Variants in GALNT13 observed in about 807,000 individuals in gnomAD.
GALNT13 encodes polypeptide N-acetylgalactosaminyltransferase 13.
GALNT13 carries 28 observed loss-of-function variants against 64.2 expected under a neutral mutation model. The observed-to-expected ratio is 0.44, with a 90% CI of 0.32 to 0.60. The LOEUF (loss-of-function observed/expected upper bound fraction) is 0.60, where lower values mean the gene tolerates loss of function less well. GALNT13 is among the 20% of genes least tolerant of loss of function. The pLI, the probability that GALNT13 is intolerant of heterozygous loss-of-function variation, is 0.05. For missense variants in GALNT13, 577 were observed against 669.8 expected, an observed-to-expected ratio of 0.86 and a Z score of 1.53; for synonymous variants, 214 against 224.6, an observed-to-expected ratio of 0.95 and a Z score of 0.42.
the GALNT13 span, among the ~76,000 whole-genome samples, chr2:153,429,057 C>G: frequency 6.7e-6 from 1 of 150,364 alleles, no homozygotes. Flanking sequence ...TATATATTAT[C>G]TCTTTCTCTT....
intron 12 of GALNT13, chr2:154,446,447 T>C (rs1351412068): frequency 9.3e-7 from 1 of 1,072,392 alleles, no homozygotes; most frequent in Non-Finnish European, 1.3e-6. Context: ...ATGGATACAA[T>C]TATTGTGACA....
At chr2:153,459,650 A>G in the GALNT13 span, among the ~76,000 whole-genome samples, 1 of 152,188 alleles carries the variant, frequency 6.6e-6, no homozygotes, top group Non-Finnish European at 1.5e-5. Context: ...AGTCATGAAC[A>G]CAAACAAACA....
chr2:153,859,216 C>T, the GALNT13 span, among the ~76,000 whole-genome samples: 2 of 152,154 alleles, frequency 1.3e-5, no homozygotes, highest in African/African-American at 2.4e-5. Flanking sequence ...TTCAATTTTT[C>T]TAGATCTAAT....
chr2:153,884,766 A>AAT (rs372541314), intron 1 of GALNT13, among the ~76,000 whole-genome samples: 27,181 of 115,952 alleles, frequency 0.23, 3,393 homozygotes, highest in Admixed American at 0.37. Flanking sequence ...TAAAAATACG[A>AAT]ATATATATAT....
At chr2:153,978,978 A>G (rs1424086272) in intron 3 of GALNT13, among the ~76,000 whole-genome samples, 3 of 152,080 alleles carry the variant, frequency 2.0e-5, no homozygotes, top group Non-Finnish European at 4.4e-5. Context: ...GATAATAACA[A>G]TACAGTAATA....
the GALNT13 span, among the ~76,000 whole-genome samples, chr2:153,124,978 G>A: frequency 6.6e-6 from 1 of 152,128 alleles, no homozygotes; most frequent in South Asian, 2.1e-4. Flanking sequence ...AGCTATCGTT[G>A]TATTAATAGC....
the GALNT13 span, among the ~76,000 whole-genome samples, chr2:153,307,778 A>G: frequency 3.3e-5 from 5 of 152,172 alleles, no homozygotes; most frequent in African/African-American, 1.2e-4. Flanking sequence ...TTACATCAGA[A>G]CAAGCTTTAC....
chr2:153,113,915 A>G, the GALNT13 span, among the ~76,000 whole-genome samples: 1 of 152,086 alleles, frequency 6.6e-6, no homozygotes, highest in African/African-American at 2.4e-5. Context: ...TTTTCATTAC[A>G]TCTTATTTAA....
chr2:153,500,297 G>C, the GALNT13 span, among the ~76,000 whole-genome samples: 2 of 152,122 alleles, frequency 1.3e-5, no homozygotes, highest in African/African-American at 4.8e-5. Context: ...GAGACAACTG[G>C]GTTATTAGAA....
chr2:153,374,073 T>C, the GALNT13 span, among the ~76,000 whole-genome samples: 4 of 152,238 alleles, frequency 2.6e-5, no homozygotes, highest in Admixed American at 6.5e-5. Flanking sequence ...GTTTAAAACA[T>C]TGGTGTGCAA....
At chr2:153,533,723 CTTT>C in the GALNT13 span, among the ~76,000 whole-genome samples, 172 of 48,716 alleles carry the variant, frequency 3.5e-3, 1 homozygote, top group African/African-American at 0.01. Flanking sequence ...TGAGGTTTTT[CTTT>C]TTTTTTTTTT....
At chr2:154,420,011 A>T (rs1389860770) in intron 11 of GALNT13, among the ~76,000 whole-genome samples, 2 of 152,150 alleles carry the variant, frequency 1.3e-5, no homozygotes, top group Non-Finnish European at 2.9e-5. Flanking sequence ...ATAAATGTGT[A>T]TCAGTTTTAT....
At chr2:153,082,573 TTATA>T in the GALNT13 span, among the ~76,000 whole-genome samples, 423 of 40,480 alleles carry the variant, frequency 0.01, 5 homozygotes, top group Middle Eastern at 0.025. Flanking sequence ...TTAGGCTGGT[TTATA>T]TATATATATA....
intron 9 of GALNT13, among the ~76,000 whole-genome samples, chr2:154,368,651 G>A (rs1399300861): frequency 6.6e-6 from 1 of 152,050 alleles, no homozygotes; most frequent in Non-Finnish European, 1.5e-5. Flanking sequence ...CTTGTTATTG[G>A]ATGGTGCACA....
chr2:153,521,464 A>T, the GALNT13 span, among the ~76,000 whole-genome samples: 5 of 152,210 alleles, frequency 3.3e-5, no homozygotes, highest in Non-Finnish European at 7.3e-5. Flanking sequence ...CCGTCTACAC[A>T]TGCACAGCCT....
At chr2:153,302,075 A>G in the GALNT13 span, among the ~76,000 whole-genome samples, 3 of 152,098 alleles carry the variant, frequency 2.0e-5, no homozygotes, top group Admixed American at 6.5e-5. Flanking sequence ...GTAATGGTAA[A>G]CCTGGATCGT....
At chr2:153,872,600 C>G (rs1232524171) in intron 1 of GALNT13, among the ~76,000 whole-genome samples, 1 of 114,452 alleles carries the variant, frequency 8.7e-6, no homozygotes, top group East Asian at 4.6e-4. Context: ...TTCTGGCTAC[C>G]CCGGTGAGTT....
the GALNT13 span, among the ~76,000 whole-genome samples, chr2:153,137,036 A>G: frequency 6.6e-6 from 1 of 152,102 alleles, no homozygotes; most frequent in Non-Finnish European, 1.5e-5. Flanking sequence ...TAAAAAAACT[A>G]CTGGGCAAGG....
At chr2:153,219,444 A>G in the GALNT13 span, among the ~76,000 whole-genome samples, 22 of 152,340 alleles carry the variant, frequency 1.4e-4, no homozygotes, top group Non-Finnish European at 8.8e-5. Flanking sequence ...CAATACAGAG[A>G]AAACAACTCA....
Sources: gnomAD v4.1 joint callset for allele counts (sites outside exome capture counted in the v4.1 genomes callset) on GRCh38, gnomAD v4.1.1 for gene constraint, MANE v1.5 for transcripts, NCBI Gene and HGNC (gene_info 2026-07-23, HGNC 2026-07-21) for gene names.